The following GDAP1 variants were observed in gnomAD, a reference collection of about 807,000 sequenced individuals.
GDAP1 encodes the protein ganglioside-induced differentiation-associated protein 1.
GDAP1 carries 34 observed loss-of-function variants against 40.1 expected under a neutral mutation model. That is an observed-to-expected ratio of 0.85 (90% CI 0.64 to 1.13). GDAP1 has a LOEUF of 1.13. Among genes scored for constraint, GDAP1 ranks in the 50% most tolerant of loss-of-function variants. GDAP1 has a pLI of 0.00. For synonymous variants in GDAP1, 170 were observed against 157.4 expected, an observed-to-expected ratio of 1.08 and a Z score of -0.60; for missense variants, 374 against 433.7, an observed-to-expected ratio of 0.86 and a Z score of 1.22.
chr8:74,402,793 T>G (rs1256831518), intron 2 of GDAP1, among the ~76,000 whole-genome samples: 1 of 150,378 alleles, frequency 6.6e-6, no homozygotes, highest in East Asian at 1.9e-4. Flanking sequence ...CAAAAAATCT[T>G]AAAGTTAACC....
Position 74,364,579 on chromosome 8 carries a change from A to G in GDAP1, c.*212A>G. 1 of 679,886 alleles carries G rather than the reference A, an allele frequency of 1.5e-6. No individual in the cohort carries two copies. The allele number at this position is 679,886 out of a possible 1,614,324, so 42.1% of individuals were successfully genotyped here. On this transcript the variant is annotated 3_prime_UTR_variant, in exon 6 of 6. Coordinates refer to ENST00000220822, the MANE Select transcript of GDAP1 (RefSeq NM_018972.4). ...CTGCCAGCTCCAGGCAGAAATAGGA[A>G]GGCAAAGAGATAAGAGAAGGAAAAA...
At chr8:74,413,258 A>G (rs1307368117) in intron 2 of GDAP1, among the ~76,000 whole-genome samples, 1 of 149,584 alleles carries the variant, frequency 6.7e-6, no homozygotes, top group Non-Finnish European at 1.5e-5. Context: ...CAGAGCAGCT[A>G]TTTGAGGACT....
At chr8:74,467,250 T>A (rs1472106749) in intron 2 of GDAP1, among the ~76,000 whole-genome samples, 1 of 152,070 alleles carries the variant, frequency 6.6e-6, no homozygotes, top group Non-Finnish European at 1.5e-5. Context: ...ATGGAATAGG[T>A]TAATCATATC....
intron 2 of GDAP1, among the ~76,000 whole-genome samples, chr8:74,476,406 G>T (rs894163012): frequency 6.6e-6 from 1 of 152,170 alleles, no homozygotes; most frequent in South Asian, 2.1e-4. Context: ...ATGTGTTTTT[G>T]CAGTGGCCAA....
chr8:74,419,679 T>A lies in GDAP1; in HGVS notation c.165+68358T>A, dbSNP rs117821221. ...TTTTTAAATTTAATGACATTATATT[T>A]ATTTTTTCTTTTCTTGCTCATGCTT... On this transcript the variant is annotated intron_variant, in intron 2 of 2. Coordinates refer to the GDAP1 transcript ENST00000523640. Among the ~76,000 whole-genome samples the A allele has an allele frequency of 5.6e-3, 849 of 152,282 alleles. 3 individuals carry two copies. The highest frequency in any genetic ancestry group is 0.014 in the Middle Eastern group (4 of 294).
chr8:74,409,061 C>T (rs1444907382), intron 2 of GDAP1, among the ~76,000 whole-genome samples: 4 of 149,854 alleles, frequency 2.7e-5, no homozygotes, highest in African/African-American at 5.1e-5. Context: ...TTTATGGCCC[C>T]CATTCTTCAA....
chr8:74,376,852 T>C (rs6996555), intron 2 of GDAP1: 44,663 of 151,890 alleles, frequency 0.29, 6,784 homozygotes, highest in Non-Finnish European at 0.34. Flanking sequence ...GGCAGAAAGG[T>C]TGACATACAG....
At chr8:74,469,482 C>T (rs1009005313) in intron 2 of GDAP1, among the ~76,000 whole-genome samples, 1 of 151,278 alleles carries the variant, frequency 6.6e-6, no homozygotes, top group Non-Finnish European at 1.5e-5. Context: ...TCTTGGCTAA[C>T]ACGATGAAAC....
intron 2 of GDAP1, among the ~76,000 whole-genome samples, chr8:74,478,904 C>T (rs1263151495): frequency 6.6e-6 from 1 of 152,218 alleles, no homozygotes; most frequent in Admixed American, 6.5e-5. Flanking sequence ...GGACCAGGAA[C>T]AAATTCCAGT....
chr8:74,401,295 C>G (rs1218826847), intron 2 of GDAP1, among the ~76,000 whole-genome samples: 2 of 149,470 alleles, frequency 1.3e-5, no homozygotes, highest in Non-Finnish European at 2.9e-5. Context: ...CACTTCATTT[C>G]ATTCATTTCA....
chr8:74,449,984 T>C (rs975073064), intron 2 of GDAP1, among the ~76,000 whole-genome samples: 2 of 151,824 alleles, frequency 1.3e-5, no homozygotes, highest in Non-Finnish European at 3.0e-5. Context: ...TTTTCAGATG[T>C]AGAAATAAAA....
intron 2 of GDAP1, among the ~76,000 whole-genome samples, chr8:74,477,642 G>A (rs576839168): frequency 6.6e-6 from 1 of 152,228 alleles, no homozygotes; most frequent in South Asian, 2.1e-4. Context: ...GGCTCCTTAA[G>A]GTTAGAAACC....
chr8:74,355,516 A>G (rs1055730629), intron 2 of GDAP1, among the ~76,000 whole-genome samples: 3 of 152,192 alleles, frequency 2.0e-5, no homozygotes, highest in Admixed American at 6.5e-5. Context: ...AGGAATAGTT[A>G]TTTTACAGCA....
chr8:74,432,764 G>A (rs573607834), intron 2 of GDAP1, among the ~76,000 whole-genome samples: 1 of 152,148 alleles, frequency 6.6e-6, no homozygotes, highest in Non-Finnish European at 1.5e-5. Context: ...GAGCTGGAAG[G>A]GACTATCCTA....
chr8:74,387,131 G>A (rs1192527633), intron 2 of GDAP1, among the ~76,000 whole-genome samples: 18 of 152,162 alleles, frequency 1.2e-4, no homozygotes, highest in Admixed American at 9.8e-4. Flanking sequence ...TGCAAACAGA[G>A]GCAATTCTAC....
At chr8:74,375,426 C>T (rs1260825935) in intron 2 of GDAP1, among the ~76,000 whole-genome samples, 2 of 152,036 alleles carry the variant, frequency 1.3e-5, no homozygotes, top group African/African-American at 2.4e-5. Flanking sequence ...CAAAAGTATA[C>T]GTCATACATT....
intron 2 of GDAP1, among the ~76,000 whole-genome samples, chr8:74,413,652 G>A (rs1337008283): frequency 6.7e-6 from 1 of 149,424 alleles, no homozygotes. Flanking sequence ...AAATCTCTGA[G>A]GGAGGCGATC....
intron 2 of GDAP1, among the ~76,000 whole-genome samples, chr8:74,483,012 C>T (rs112532566): frequency 6.6e-6 from 1 of 152,060 alleles, no homozygotes; most frequent in African/African-American, 2.4e-5. Context: ...GAATAAGTTA[C>T]TTAACTGCTG....
chr8:74,428,570 G>C (rs1287488246), intron 2 of GDAP1, among the ~76,000 whole-genome samples: 1 of 142,108 alleles, frequency 7.0e-6, no homozygotes, highest in Non-Finnish European at 1.5e-5. Flanking sequence ...AGATTCAAGT[G>C]ATTCTTCTGC....
Sources: allele counts gnomAD v4.1 joint callset (sites outside exome capture counted in the v4.1 genomes callset), GRCh38; gene constraint gnomAD v4.1.1; transcripts MANE v1.5; gene names NCBI Gene and HGNC (gene_info 2026-07-23, HGNC 2026-07-21).